Variants in ELL observed in about 807,000 individuals in gnomAD.
ELL encodes elongation factor for RNA polymerase II, also known as RNA polymerase II elongation factor ELL.
In ELL, 18 loss-of-function variants were observed where a neutral mutation model predicts 64.0. The ratio of observed to expected loss-of-function variants is 0.28; its 90% CI spans 0.19 to 0.42. The LOEUF is 0.42. ELL is among the 10% of genes least tolerant of loss of function. The pLI, the probability that ELL is intolerant of heterozygous loss-of-function variation, is 1.00. For missense variants in ELL, 797 were observed against 870.4 expected (o/e 0.92, Z 1.06); for synonymous variants, 399 against 376.2 (o/e 1.06, Z -0.70).
intron 1 of ELL, among the ~76,000 whole-genome samples, chr19:18,483,711 A>G (rs758953830): frequency 5.9e-5 from 9 of 152,198 alleles, no homozygotes; most frequent in Non-Finnish European, 1.2e-4. Flanking sequence ...ACATGATCCC[A>G]GGGTAGCAGG....
intron 1 of ELL, among the ~76,000 whole-genome samples, chr19:18,481,719 G>A (rs142917267): frequency 5.3e-5 from 8 of 152,126 alleles, no homozygotes; most frequent in Admixed American, 2.0e-4. Flanking sequence ...GTGTTGCCCC[G>A]CAGTATAAAT....
chr19:18,507,005 C>G (rs899354969), intron 1 of ELL, among the ~76,000 whole-genome samples: 17 of 152,174 alleles, frequency 1.1e-4, no homozygotes, highest in African/African-American at 7.2e-5. Context: ...ACATGGCCCT[C>G]GACCAGTGGG....
At chr19:18,493,960 T>C (rs1376552694) in intron 1 of ELL, among the ~76,000 whole-genome samples, 4 of 152,228 alleles carry the variant, frequency 2.6e-5, no homozygotes, top group Non-Finnish European at 5.9e-5. Context: ...CCCAAGCAGG[T>C]AGACAGAAAC....
chr19:18,445,095 G>T, intron 11 of ELL, 129 bp downstream of exon 11: 1 of 1,335,268 alleles, frequency 7.5e-7, no homozygotes, highest in Non-Finnish European at 1.1e-6. Context: ...GGGCAACTTT[G>T]GCCTCAGACT....
chr19:18,454,641 G>C (rs1281048669), intron 6 of ELL, among the ~76,000 whole-genome samples: 1 of 151,170 alleles, frequency 6.6e-6, no homozygotes, highest in Non-Finnish European at 1.5e-5. Context: ...GGGAGTTCCC[G>C]ACCAGCCTGG....
intron 1 of ELL, among the ~76,000 whole-genome samples, chr19:18,477,533 TCAGCACAGCCA>T (rs1289718621): frequency 1.3e-5 from 2 of 151,940 alleles, no homozygotes; most frequent in Non-Finnish European, 2.9e-5. Flanking sequence ...CATGAGCAAA[TCAGCACAGCCA>T]CAACAGTCGC....
chr19:18,485,692 A>G (rs924394523), intron 1 of ELL, among the ~76,000 whole-genome samples: 2 of 152,164 alleles, frequency 1.3e-5, no homozygotes, highest in Non-Finnish European at 2.9e-5. Context: ...GTCACTGGGA[A>G]AGCTACGGGG....
chr19:18,510,585 G>A (rs1332769917), intron 1 of ELL, among the ~76,000 whole-genome samples: 1 of 152,082 alleles, frequency 6.6e-6, no homozygotes, highest in Non-Finnish European at 1.5e-5. Flanking sequence ...GTGACTCCTG[G>A]GTCCATCCAG....
intron 1 of ELL, among the ~76,000 whole-genome samples, chr19:18,521,278 A>G (rs926397686): frequency 1.3e-5 from 2 of 152,068 alleles, no homozygotes; most frequent in Non-Finnish European, 2.9e-5. Context: ...AAGCTGGGAC[A>G]AGCTGTCAGT....
At chr19:18,517,165 G>T (rs61620643) in intron 1 of ELL, among the ~76,000 whole-genome samples, 8,079 of 152,188 alleles carry the variant, frequency 0.053, 742 homozygotes, top group African/African-American at 0.19. Context: ...GAAGGAGGGG[G>T]TGTGTCCATG....
At chr19:18,448,527 T>G (rs1303101866) in intron 8 of ELL, 1 of 152,310 alleles carries the variant, frequency 6.6e-6, no homozygotes, top group Non-Finnish European at 1.5e-5. Context: ...TGAATGGGTC[T>G]GACCCTGGTC....
At chr19:18,491,339 C>T (rs1975529545) in intron 1 of ELL, among the ~76,000 whole-genome samples, 1 of 133,742 alleles carries the variant, frequency 7.5e-6, no homozygotes, top group Admixed American at 8.9e-5. Flanking sequence ...TCTTGAACTC[C>T]TGGGCTTTAG....
intron 1 of ELL, among the ~76,000 whole-genome samples, chr19:18,493,782 C>T (rs1310057345): frequency 1.3e-5 from 2 of 152,236 alleles, no homozygotes; most frequent in Admixed American, 6.5e-5. Context: ...GCAACCCCAT[C>T]CCTTTCTCAT....
intron 2 of ELL, among the ~76,000 whole-genome samples, chr19:18,467,971 C>T (rs1040762370): frequency 6.8e-6 from 1 of 147,154 alleles, no homozygotes; most frequent in Admixed American, 6.8e-5. Context: ...ACAACCACCC[C>T]GACAGCACCA....
intron 6 of ELL, among the ~76,000 whole-genome samples, chr19:18,454,053 TTTCC>T (rs1304992098): frequency 6.6e-6 from 1 of 151,846 alleles, no homozygotes; most frequent in African/African-American, 2.4e-5. Flanking sequence ...GGGGATAGGG[TTTCC>T]TTTTGGGGAA....
At chr19:18,475,338 A>G (rs1007100259) in intron 1 of ELL, among the ~76,000 whole-genome samples, 4 of 152,222 alleles carry the variant, frequency 2.6e-5, no homozygotes, top group Non-Finnish European at 4.4e-5. Flanking sequence ...CAGAGCAGCT[A>G]ATCTAAAAGA....
At chr19:18,517,617 T>C (rs918658495) in intron 1 of ELL, among the ~76,000 whole-genome samples, 2 of 151,866 alleles carry the variant, frequency 1.3e-5, no homozygotes, top group Non-Finnish European at 2.9e-5. Flanking sequence ...GCCCAGCACT[T>C]TGGGAGGCCG....
chr19:18,487,292 G>C (rs1332877717), intron 1 of ELL, among the ~76,000 whole-genome samples: 1 of 152,228 alleles, frequency 6.6e-6, no homozygotes, highest in Non-Finnish European at 1.5e-5. Flanking sequence ...GGCCCAGTGA[G>C]GACAGAGCAA....
intron 1 of ELL, among the ~76,000 whole-genome samples, chr19:18,512,710 G>A (rs771323785): frequency 2.0e-5 from 3 of 152,122 alleles, no homozygotes; most frequent in East Asian, 1.9e-4. Flanking sequence ...TTGGGTCAAC[G>A]AGGAGAGCAG....
Sources: gnomAD v4.1 joint callset for allele counts (sites outside exome capture counted in the v4.1 genomes callset) on GRCh38, gnomAD v4.1.1 for gene constraint, MANE v1.5 for transcripts, NCBI Gene and HGNC (gene_info 2026-07-23, HGNC 2026-07-21) for gene names.